The following LMCD1 variants were observed in gnomAD, a reference collection of about 807,000 sequenced individuals.
LMCD1 encodes LIM and cysteine-rich domains protein 1.
LMCD1 carries 32 observed loss-of-function variants against 42.7 expected under a neutral mutation model. That is an observed-to-expected ratio of 0.75 (90% CI 0.57 to 1.01). The LOEUF is 1.01. Ranked by LOEUF, LMCD1 falls within the 50% of genes least tolerant of loss-of-function variation. LMCD1 has a pLI of 0.00. For missense variants in LMCD1, 458 were observed against 483.1 expected, an observed-to-expected ratio of 0.95 and a Z score of 0.49; for synonymous variants, 178 against 184.9, an observed-to-expected ratio of 0.96 and a Z score of 0.30.
chr3:8,560,790 G>T (rs3774214), intron 4 of LMCD1, among the ~76,000 whole-genome samples: 1 of 152,016 alleles, frequency 6.6e-6, no homozygotes, highest in Non-Finnish European at 1.5e-5. Flanking sequence ...AGAGGAACAG[G>T]GTTTTCATTT....
At chr3:8,539,349 C>T (rs565870046) in intron 3 of LMCD1, among the ~76,000 whole-genome samples, 2 of 152,252 alleles carry the variant, frequency 1.3e-5, no homozygotes, top group African/African-American at 2.4e-5. Flanking sequence ...CCTGTAAGGC[C>T]GAGTTGTTTT....
At chr3:8,521,928 G>A (rs1202925356) in intron 1 of LMCD1, among the ~76,000 whole-genome samples, 4 of 152,070 alleles carry the variant, frequency 2.6e-5, no homozygotes, top group Non-Finnish European at 4.4e-5. Context: ...CAGATGGTGG[G>A]GTCAGCTTCT....
chr3:8,523,835 A>T (rs6808916), intron 1 of LMCD1, among the ~76,000 whole-genome samples: 1 of 152,158 alleles, frequency 6.6e-6, no homozygotes, highest in African/African-American at 2.4e-5. Flanking sequence ...ACCCCCTGGC[A>T]TCCTCCTCTG....
At chr3:8,537,111 G>T in intron 2 of LMCD1, 74 bp from the exon 3 acceptor site, 1 of 1,521,654 alleles carries the variant, frequency 6.6e-7, no homozygotes, top group South Asian at 1.2e-5. Flanking sequence ...CAAAAGGGTA[G>T]ATGCTGCTAG....
At chr3:8,563,896 T>C (rs1393168941) in intron 4 of LMCD1, among the ~76,000 whole-genome samples, 1 of 152,198 alleles carries the variant, frequency 6.6e-6, no homozygotes, top group Non-Finnish European at 1.5e-5. Flanking sequence ...GTACTCATCA[T>C]AGTAACATCA....
At chr3:8,536,911 G>A (rs67741906) in intron 2 of LMCD1, among the ~76,000 whole-genome samples, 17,107 of 152,150 alleles carry the variant, frequency 0.11, 1,191 homozygotes, top group South Asian at 0.21. Flanking sequence ...AGCCTTTGCC[G>A]TGGCAACCAC....
At chr3:8,528,703 A>C (rs1357812445) in intron 1 of LMCD1, among the ~76,000 whole-genome samples, 1 of 152,060 alleles carries the variant, frequency 6.6e-6, no homozygotes, top group African/African-American at 2.4e-5. Context: ...CTAAATTCCC[A>C]GTTGCATTTT....
At chr3:8,513,024 A>G (rs356418) in intron 1 of LMCD1, among the ~76,000 whole-genome samples, 146,452 of 152,318 alleles carry the variant, frequency 0.96, 70,453 homozygotes, top group East Asian at 1. Context: ...TCAGAATACC[A>G]CTGAGGAACA....
In LMCD1 at chr3:8,537,421, C is replaced by G; in HGVS notation, c.368C>G (p.Pro123Arg). The change falls in exon 3 of 6, where the codon CCT (proline) becomes CGT (arginine). Residue 123 changes from proline (P) to arginine (R), a missense_variant. Coordinates refer to ENST00000157600, the MANE Select transcript of LMCD1 (RefSeq NM_014583.4). ...FDTITYEWAPPGVTQKLGLQY... is the reference protein window; with the variant it reads ...FDTITYEWAPRGVTQKLGLQY... ...ACCATCACCTACGAGTGGGCTCCCC[C>G]TGGAGTCACCCAGAAACTGGTAAGA... is the stretch of plus-strand genomic sequence containing the variant. The G allele has an allele frequency of 6.3e-7, 1 of 1,592,712 alleles. No individual in the cohort carries two copies. The highest frequency in any genetic ancestry group is 8.6e-7 in the Non-Finnish European group (1 of 1,166,138).
chr3:8,506,042 C>T (rs887467545), intron 1 of LMCD1, among the ~76,000 whole-genome samples: 6 of 152,154 alleles, frequency 3.9e-5, no homozygotes, highest in Non-Finnish European at 7.4e-5. Flanking sequence ...AGAAATTATC[C>T]AAGTCCCTTT....
chr3:8,508,285 A>G (rs1186105387), intron 1 of LMCD1, among the ~76,000 whole-genome samples: 3 of 152,210 alleles, frequency 2.0e-5, no homozygotes, highest in Non-Finnish European at 4.4e-5. Flanking sequence ...CCCATGGCCT[A>G]CCCAATAATA....
chr3:8,510,820 C>T (rs1438235823), intron 1 of LMCD1, among the ~76,000 whole-genome samples: 2 of 152,098 alleles, frequency 1.3e-5, no homozygotes, highest in Non-Finnish European at 2.9e-5. Context: ...GTATTTTTAT[C>T]TTATGCATTT....
chr3:8,556,164 A>G (rs1017043821), intron 4 of LMCD1, among the ~76,000 whole-genome samples: 2 of 152,176 alleles, frequency 1.3e-5, no homozygotes, highest in Non-Finnish European at 2.9e-5. Context: ...GATATTTTGC[A>G]TGTTATTTTA....
intron 3 of LMCD1, among the ~76,000 whole-genome samples, chr3:8,543,342 T>A (rs961653104): frequency 6.6e-6 from 1 of 151,882 alleles, no homozygotes; most frequent in East Asian, 1.9e-4. Flanking sequence ...GGGTATCCTG[T>A]GTCAGAGCCA....
At chr3:8,560,403 G>A (rs1183781904) in intron 4 of LMCD1, among the ~76,000 whole-genome samples, 1 of 152,100 alleles carries the variant, frequency 6.6e-6, no homozygotes, top group Non-Finnish European at 1.5e-5. Flanking sequence ...TATCATCAGG[G>A]TGCCTGCCGG....
At chr3:8,564,504 T>C (rs1377587560) in intron 4 of LMCD1, among the ~76,000 whole-genome samples, 3 of 152,124 alleles carry the variant, frequency 2.0e-5, no homozygotes, top group Non-Finnish European at 4.4e-5. Flanking sequence ...ACTCCTGGCC[T>C]CAAATGATCC....
chr3:8,505,303 C>T (rs899478733), intron 1 of LMCD1, among the ~76,000 whole-genome samples: 2 of 152,190 alleles, frequency 1.3e-5, no homozygotes, highest in East Asian at 1.9e-4. Context: ...TCTCACCCAA[C>T]GGGTGCAAAA....
rs76213040 is a variant in LMCD1, at chr3:8,503,843, T to C, written c.42+1863T>C. Among the ~76,000 whole-genome samples the C allele has an allele frequency of 5.9e-3, 901 of 152,350 alleles. 9 individuals carry two copies. The highest frequency in any genetic ancestry group is 9.9e-3 in the South Asian group (48 of 4,832). ...GAAATGATTCTGAGTATTTTTAATA[T>C]AAGCTGGTTGATAGTTACTGTATGA... On this transcript the variant is annotated intron_variant, in intron 1 of 5. Transcript: ENST00000157600.
rs1421745447 is a variant in LMCD1 at position 8,565,551 on chromosome 3, G to A, written c.843G>A (p.Pro281=). 3.1e-6 allele frequency: 5 copies of A among 1,614,160 alleles called. No homozygotes were observed. The African/African-American group carries it at 4.0e-5, about 13-fold the overall frequency. Residue 281 remains proline, a synonymous_variant, in exon 5 of 6, where the codon CCG becomes CCA. Coordinates refer to ENST00000157600, the MANE Select transcript of LMCD1 (RefSeq NM_014583.4). ...TCFVCAKCSE[P]LVDLIYFWKD... Reference sequence around the variant, plus strand: ...TTGTGTGTGCCAAGTGCTCCGAGCCGCTGGTGGACCTCATCTACTTCTGGA... The same window carrying A: ...TTGTGTGTGCCAAGTGCTCCGAGCCACTGGTGGACCTCATCTACTTCTGGA...
Sources: allele counts gnomAD v4.1 joint callset (sites outside exome capture counted in the v4.1 genomes callset), GRCh38; gene constraint gnomAD v4.1.1; transcripts MANE v1.5; gene names NCBI Gene and HGNC (gene_info 2026-07-23, HGNC 2026-07-21).